Variants in TMEM132D observed in about 807,000 individuals in gnomAD.
TMEM132D encodes transmembrane protein 132D.
TMEM132D carries 21 observed loss-of-function variants against 62.3 expected under a neutral mutation model. The ratio of observed to expected loss-of-function variants is 0.34; its 90% CI spans 0.24 to 0.49. The LOEUF is 0.49. Ranked by LOEUF, TMEM132D falls within the 20% of genes least tolerant of loss-of-function variation. The probability of loss-of-function intolerance (pLI) is 0.99; values close to 1 mark genes in which losing one functional copy is unlikely to be tolerated. For missense variants in TMEM132D, 1,346 were observed against 1,402.8 expected (o/e 0.96, Z 0.65); for synonymous variants, 621 against 575.6 (o/e 1.08, Z -1.13).
intron 2 of TMEM132D, among the ~76,000 whole-genome samples, chr12:129,672,902 C>T (rs569924244): frequency 6.6e-6 from 1 of 152,240 alleles, no homozygotes; most frequent in South Asian, 2.1e-4. Flanking sequence ...CGTGCACCAC[C>T]ACGCCCAGCT....
At chr12:129,627,045 G>A (rs1879238288) in intron 2 of TMEM132D, among the ~76,000 whole-genome samples, 2 of 152,182 alleles carry the variant, frequency 1.3e-5, no homozygotes, top group Admixed American at 1.3e-4. Context: ...GTTAGTGATT[G>A]TGACTAGTGT....
At chr12:129,482,147 C>T (rs1055175559) in intron 3 of TMEM132D, among the ~76,000 whole-genome samples, 1 of 152,224 alleles carries the variant, frequency 6.6e-6, no homozygotes, top group South Asian at 2.1e-4. Context: ...CCCAGACACA[C>T]GGGCATTCCC....
chr12:129,317,790 T>A (rs1868533837), intron 4 of TMEM132D, among the ~76,000 whole-genome samples: 2 of 152,208 alleles, frequency 1.3e-5, no homozygotes, highest in South Asian at 4.1e-4. Flanking sequence ...ATTCTTAGGT[T>A]TAGTCATTTA....
At chr12:129,762,944 G>A (rs1353635239) in intron 1 of TMEM132D, among the ~76,000 whole-genome samples, 1 of 152,172 alleles carries the variant, frequency 6.6e-6, no homozygotes, top group Non-Finnish European at 1.5e-5. Flanking sequence ...AAAGAAACAT[G>A]CTATGCAGAT....
chr12:129,147,261 T>TATGTGCATATGTATATATATAC (rs71449396), intron 5 of TMEM132D, among the ~76,000 whole-genome samples: 31,122 of 142,182 alleles, frequency 0.22, 4,437 homozygotes, highest in African/African-American at 0.38. Flanking sequence ...TATATATACA[T>TATGTGCATATGTATATATATAC]ATGTGCATAT....
intron 2 of TMEM132D, among the ~76,000 whole-genome samples, chr12:129,638,165 G>C (rs1879536847): frequency 6.6e-6 from 1 of 152,216 alleles, no homozygotes; most frequent in African/African-American, 2.4e-5. Context: ...CAGTACAGCA[G>C]AAAGAATAGT....
At chr12:129,895,836 T>C (rs1425385373) in intron 1 of TMEM132D, among the ~76,000 whole-genome samples, 1 of 151,984 alleles carries the variant, frequency 6.6e-6, no homozygotes, top group Non-Finnish European at 1.5e-5. Context: ...AAAAATTACT[T>C]GGTGAAGGAA....
chr12:129,132,540 T>C (rs961644139), intron 5 of TMEM132D, among the ~76,000 whole-genome samples: 1 of 152,138 alleles, frequency 6.6e-6, no homozygotes, highest in African/African-American at 2.4e-5. Flanking sequence ...GCACATTAGG[T>C]CTCCAGAAGG....
chr12:129,112,437 G>A (rs1363572510), intron 5 of TMEM132D, among the ~76,000 whole-genome samples: 1 of 152,178 alleles, frequency 6.6e-6, no homozygotes, highest in Non-Finnish European at 1.5e-5. Context: ...CAAGGCGGAC[G>A]GATCATCTGA....
chr12:129,749,315 A>G (rs1264155765), intron 1 of TMEM132D, among the ~76,000 whole-genome samples: 3 of 152,208 alleles, frequency 2.0e-5, no homozygotes, highest in Admixed American at 2.0e-4. Context: ...GCCTCTCTGT[A>G]GCTGTGGAGG....
chr12:129,388,258 C>T (rs867666783), intron 3 of TMEM132D, among the ~76,000 whole-genome samples: 2 of 127,964 alleles, frequency 1.6e-5, no homozygotes, highest in African/African-American at 2.7e-5. Context: ...AACACCGACA[C>T]CAATACTAAC....
intron 1 of TMEM132D, among the ~76,000 whole-genome samples, chr12:129,750,751 C>A (rs1182712557): frequency 1.2e-4 from 19 of 152,062 alleles, no homozygotes; most frequent in Admixed American, 1.2e-3. Context: ...GAGGAGGCAT[C>A]AGTTCTGCTG....
At chr12:129,551,741 C>T (rs1417409775) in intron 2 of TMEM132D, among the ~76,000 whole-genome samples, 1 of 152,222 alleles carries the variant, frequency 6.6e-6, no homozygotes, top group African/African-American at 2.4e-5. Context: ...GTATTACCTG[C>T]CTGTCTCACT....
At chr12:129,727,501 C>T (rs1052921516) in intron 1 of TMEM132D, among the ~76,000 whole-genome samples, 1 of 152,034 alleles carries the variant, frequency 6.6e-6, no homozygotes, top group Admixed American at 6.5e-5. Context: ...TCACAAAATT[C>T]GACATGAATT....
intron 4 of TMEM132D, among the ~76,000 whole-genome samples, chr12:129,263,344 G>T (rs569170685): frequency 6.6e-6 from 1 of 152,152 alleles, no homozygotes; most frequent in Non-Finnish European, 1.5e-5. Context: ...TGGACAATAA[G>T]GTTGACAATG....
At chr12:129,378,200 T>C (rs947066978) in intron 3 of TMEM132D, among the ~76,000 whole-genome samples, 3 of 152,148 alleles carry the variant, frequency 2.0e-5, no homozygotes, top group Non-Finnish European at 4.4e-5. Context: ...TGAAAGGGGA[T>C]TGTAATTAAA....
chr12:129,459,822 A>G (rs757936633), intron 3 of TMEM132D, among the ~76,000 whole-genome samples: 2 of 152,224 alleles, frequency 1.3e-5, no homozygotes, highest in African/African-American at 2.4e-5. Context: ...ACAGGCAAAC[A>G]CTGTAAAACA....
chr12:129,658,953 T>C (rs1009750092), intron 2 of TMEM132D, among the ~76,000 whole-genome samples: 5 of 151,896 alleles, frequency 3.3e-5, no homozygotes, highest in African/African-American at 1.2e-4. Flanking sequence ...CAGGCTGGAG[T>C]GTGGTAGTAC....
At chr12:129,222,768 G>A (rs1416626885) in intron 4 of TMEM132D, among the ~76,000 whole-genome samples, 2 of 152,238 alleles carry the variant, frequency 1.3e-5, no homozygotes, top group South Asian at 2.1e-4. Context: ...GGGGGAAATG[G>A]GGAATTTTGG....
Sources: allele counts gnomAD v4.1 joint callset (sites outside exome capture counted in the v4.1 genomes callset), GRCh38; gene constraint gnomAD v4.1.1; transcripts MANE v1.5; gene names NCBI Gene and HGNC (gene_info 2026-07-23, HGNC 2026-07-21).